Variants in KLHL3 observed in about 807,000 individuals in gnomAD.
KLHL3 encodes kelch like family member 3.
Under a neutral mutation model 70.5 loss-of-function variants are expected in KLHL3, and 19 were observed. That is an observed-to-expected ratio of 0.27 (90% confidence interval 0.19 to 0.40). The LOEUF is 0.40. Ranked by LOEUF, KLHL3 falls within the 10% of genes least tolerant of loss-of-function variation. The pLI is 1.00. For missense variants in KLHL3, 512 were observed against 771.1 expected (o/e 0.66, Z 3.98); for synonymous variants, 258 against 290.3 (o/e 0.89, Z 1.13).
Position 137,643,354 on chromosome 5 carries a change from C to CAA in KLHL3, c.904-3379_904-3378dup, listed in dbSNP as rs11323248. ...TGGGCAACAGAGTGAGACCCTGTCT[C>CAA]AAAAAAAAAAAAAAAAATAGAATAC... On this transcript the variant is annotated intron_variant, in intron 8 of 14. Transcript: ENST00000309755. 7.9e-3 allele frequency among the ~76,000 whole-genome samples: 974 copies of CAA among 122,614 alleles called. 11 individuals carry two copies. Among genetic ancestry groups the CAA allele is most frequent in the African/African-American group, 0.029 (904 of 30,920 alleles). The allele number at this position is 122,614 out of a possible 152,430, so 80.4% of individuals were successfully genotyped here.
chr5:137,631,426 G>A (rs1750634522), intron 12 of KLHL3, among the ~76,000 whole-genome samples: 1 of 148,910 alleles, frequency 6.7e-6, no homozygotes, highest in East Asian at 1.9e-4. Flanking sequence ...GGAATAGGTT[G>A]AAGTGAGGAA....
chr5:137,632,041 T>C (rs1174109494), intron 12 of KLHL3, among the ~76,000 whole-genome samples: 1 of 152,214 alleles, frequency 6.6e-6, no homozygotes, highest in Non-Finnish European at 1.5e-5. Flanking sequence ...CCCATATTCA[T>C]GGATTGGAAG....
intron 7 of KLHL3, among the ~76,000 whole-genome samples, chr5:137,660,440 G>A (rs908014228): frequency 6.6e-6 from 1 of 152,186 alleles, no homozygotes. Flanking sequence ...TGGGAGGTTT[G>A]ACTGACACTG....
chr5:137,647,031 T>G (rs1222789570), intron 8 of KLHL3, among the ~76,000 whole-genome samples: 3 of 152,178 alleles, frequency 2.0e-5, no homozygotes, highest in African/African-American at 7.2e-5. Flanking sequence ...GAATGGAGGT[T>G]CTCTGGTTGA....
rs1006439376 is a variant in KLHL3, at chr5:137,622,703, G to A, written c.1736-577C>T. On this transcript the variant is annotated intron_variant, in intron 14 of 14. Transcript: ENST00000309755. ...GAGACCCTGCCAGTGTGACAATCTC[G>A]ACTTTGATAAATGCTCCAGACATGT... Among the ~76,000 whole-genome samples, 14 of 152,308 alleles carry A rather than the reference G, an allele frequency of 9.2e-5. No homozygotes were observed. In the East Asian group the frequency reaches 1.5e-3, roughly 17 times the overall value.
In KLHL3 at chr5:137,664,709, T is replaced by C. The variant is rs557370715; in HGVS notation, c.637-2678A>G. 2.0e-4 allele frequency among the ~76,000 whole-genome samples: 31 copies of C among 152,006 alleles called. No individual in the cohort carries two copies. In the South Asian group the frequency reaches 6.1e-3, roughly 30 times the overall value. On this transcript the variant is annotated intron_variant, in intron 6 of 14. Transcript: ENST00000309755. Reference sequence around the variant, plus strand: ...GGCACGTGTCTGTAGTCCCAGCTGCTTGAGAGGCTGAGGCAGGAGGATCAC... The same window carrying C: ...GGCACGTGTCTGTAGTCCCAGCTGCCTGAGAGGCTGAGGCAGGAGGATCAC...
chr5:137,618,429 G>C lies in KLHL3; in HGVS notation c.*3669C>G, dbSNP rs1756285318. The C allele has an allele frequency of 6.6e-6, 1 of 152,144 alleles. No homozygotes were observed. Among genetic ancestry groups the C allele is most frequent in the African/African-American group, 2.4e-5 (1 of 41,440 alleles). The allele number at this position is 152,144 out of a possible 1,614,324, so 9.4% of individuals were successfully genotyped here. A position where few individuals can be genotyped will look rare whatever the true frequency, so the allele number is the denominator to read the frequency against. ...AGTAGAGACATAGCTCAAGAAGCAA[G>C]TTGTAAGTGTAGTGTGAGCACCTGC... On this transcript the variant is annotated 3_prime_UTR_variant, in exon 15 of 15. Coordinates refer to ENST00000309755, the MANE Select transcript of KLHL3 (RefSeq NM_017415.3).
chr5:137,689,094 T>A (rs1752255977), intron 5 of KLHL3, among the ~76,000 whole-genome samples: 2 of 152,186 alleles, frequency 1.3e-5, no homozygotes, highest in South Asian at 4.1e-4. Flanking sequence ...AAGGTGGGGA[T>A]TCACATTAGA....
intron 3 of KLHL3, 109 bp downstream of exon 3, chr5:137,709,640 TG>T: frequency 1.2e-6 from 1 of 824,106 alleles, no homozygotes; most frequent in Non-Finnish European, 2.0e-6. Flanking sequence ...CCCCTCATAG[TG>T]GGCTAATGGC....
At chr5:137,674,189 T>C (rs912159686) in intron 6 of KLHL3, among the ~76,000 whole-genome samples, 14 of 152,214 alleles carry the variant, frequency 9.2e-5, no homozygotes, top group Non-Finnish European at 2.1e-4. Flanking sequence ...ACTCACCTTT[T>C]ACAGATGAGA....
rs533940000 is a variant in KLHL3 at position 137,664,842 on chromosome 5, G to A, written c.637-2811C>T. Among the ~76,000 whole-genome samples the A allele has an allele frequency of 2.6e-5, 4 of 152,106 alleles. No individual in the cohort carries two copies. In the East Asian group the frequency reaches 7.7e-4, roughly 29 times the overall value. On this transcript the variant is annotated intron_variant, in intron 6 of 14. Transcript: ENST00000309755. ...TTAAAAAAATAATAATAATAAAGTT[G>A]TTGGATGGGGAAAGAGTCACAATTC...
At chr5:137,680,505 C>T (rs1751995501) in intron 5 of KLHL3, among the ~76,000 whole-genome samples, 1 of 151,792 alleles carries the variant, frequency 6.6e-6, no homozygotes, top group Admixed American at 6.6e-5. Context: ...GCCTGTGTTC[C>T]CACTTTCCAA....
intron 1 of KLHL3, among the ~76,000 whole-genome samples, chr5:137,732,941 A>G (rs896792054): frequency 6.6e-6 from 1 of 152,226 alleles, no homozygotes; most frequent in Non-Finnish European, 1.5e-5. Flanking sequence ...CGCTAGGTCT[A>G]TGTTACTCCA....
intron 8 of KLHL3, among the ~76,000 whole-genome samples, chr5:137,649,737 C>A (rs1580732076): frequency 1.3e-5 from 2 of 152,334 alleles, no homozygotes; most frequent in East Asian, 3.9e-4. Context: ...TTATGAAAAT[C>A]CTATGAGATA....
chr5:137,620,027 T>A lies in KLHL3; in HGVS notation c.*2071A>T, dbSNP rs940905550. 5 of 152,138 alleles carry A rather than the reference T, an allele frequency of 3.3e-5. No homozygotes were observed. The highest frequency in any genetic ancestry group is 1.2e-4 in the African/African-American group (5 of 41,386). 9.4% of individuals were successfully genotyped at this position (152,138 alleles called of 1,614,324 possible). On this transcript the variant is annotated 3_prime_UTR_variant, in exon 15 of 15. Transcript: ENST00000309755. ...GACACACCGAAACAAGTCTCAAAAT[T>A]TCCTCAGAGAAGGAGAAAGGACATT...
At chr5:137,700,608 G>A (rs749522395) in intron 3 of KLHL3, among the ~76,000 whole-genome samples, 38 of 152,138 alleles carry the variant, frequency 2.5e-4, no homozygotes, top group Non-Finnish European at 4.9e-4. Flanking sequence ...TCTTACAGGC[G>A]TCTATGATTC....
chr5:137,629,141 G>A (rs552754905), intron 12 of KLHL3: 2 of 152,274 alleles, frequency 1.3e-5, no homozygotes, highest in Non-Finnish European at 2.9e-5. Flanking sequence ...GAATTGCTTC[G>A]TTTACAAGTT....
At chr5:137,645,887 A>G (rs903973139) in intron 8 of KLHL3, among the ~76,000 whole-genome samples, 2 of 152,206 alleles carry the variant, frequency 1.3e-5, no homozygotes, top group Admixed American at 6.5e-5. Flanking sequence ...ACTTCAAAAT[A>G]TACAGCAAAG....
intron 2 of KLHL3, among the ~76,000 whole-genome samples, chr5:137,714,110 A>G (rs1752850428): frequency 6.6e-6 from 1 of 151,712 alleles, no homozygotes; most frequent in African/African-American, 2.4e-5. Context: ...ATTAACAATC[A>G]GAGAAATGCA....
Sources: gnomAD v4.1 joint callset for allele counts (sites outside exome capture counted in the v4.1 genomes callset) on GRCh38, gnomAD v4.1.1 for gene constraint, MANE v1.5 for transcripts, NCBI Gene and HGNC (gene_info 2026-07-23, HGNC 2026-07-21) for gene names.